Variants in MED27 observed in about 807,000 individuals in gnomAD.
MED27 encodes the protein mediator of RNA polymerase II transcription subunit 27.
A neutral mutation model predicts 38.2 loss-of-function variants in MED27; 30 were observed. That is an observed-to-expected ratio of 0.79 (90% CI 0.59 to 1.07). MED27 has a LOEUF of 1.07. MED27 is among the 50% of genes least tolerant of loss of function. The probability of loss-of-function intolerance (pLI) is 0.00; values close to 1 mark genes in which losing one functional copy is unlikely to be tolerated. For synonymous variants in MED27, 122 were observed against 153.5 expected (o/e 0.79, Z 1.52); for missense variants, 289 against 397.5 (o/e 0.73, Z 2.32).
chr9:131,963,676 A>C (rs1279413695), intron 3 of MED27, among the ~76,000 whole-genome samples: 6 of 152,330 alleles, frequency 3.9e-5, no homozygotes, highest in Middle Eastern at 3.4e-3. Context: ...AGATATACTT[A>C]CATTTATTCC....
At position 132,073,476 on chromosome 9, in the gene MED27, C is replaced by T. The variant is rs550384059; in HGVS notation, c.348+3966G>A. 96 of 1,179,104 alleles carry T rather than the reference C, an allele frequency of 8.1e-5. 1 individual carries two copies. In the South Asian group the frequency reaches 2.9e-3, roughly 36 times the overall value. The allele number at this position is 1,179,104 out of a possible 1,614,324, so 73.0% of individuals were successfully genotyped here. A position where few individuals can be genotyped will look rare whatever the true frequency, so the allele number is the denominator to read the frequency against. Reference sequence around the variant, plus strand: ...GAACAAGATGGACATGGTGCCTCTCCCCTGAGCCTTATAGTTTACCCTTAA... The same window carrying T: ...GAACAAGATGGACATGGTGCCTCTCTCCTGAGCCTTATAGTTTACCCTTAA... On this transcript the variant is annotated intron_variant, in intron 2 of 7. Coordinates refer to ENST00000292035, the MANE Select transcript of MED27 (RefSeq NM_004269.4).
At chr9:131,898,086 T>A (rs1185276817) in intron 4 of MED27, among the ~76,000 whole-genome samples, 1 of 151,870 alleles carries the variant, frequency 6.6e-6, no homozygotes, top group East Asian at 1.9e-4. Context: ...GATAATTAGA[T>A]GAGATGCAGG....
chr9:131,904,718 A>G (rs568505444), intron 4 of MED27, among the ~76,000 whole-genome samples: 34 of 152,258 alleles, frequency 2.2e-4, no homozygotes, highest in South Asian at 2.1e-4. Context: ...GTCATTTGCT[A>G]AAGAGCCATC....
intron 3 of MED27, among the ~76,000 whole-genome samples, chr9:131,988,532 C>T (rs1296306396): frequency 6.6e-6 from 1 of 152,166 alleles, no homozygotes; most frequent in African/African-American, 2.4e-5. Flanking sequence ...TTTCCACTTC[C>T]TTATGATTTT....
At chr9:131,894,074 G>A in intron 4 of MED27, 82 bp from the exon 5 acceptor site, 1 of 970,622 alleles carries the variant, frequency 1.0e-6, no homozygotes, top group Non-Finnish European at 1.6e-6. Flanking sequence ...ATGACCACCT[G>A]GCCAATCCAG....
chr9:131,928,470 G>A (rs1173642608), intron 4 of MED27, among the ~76,000 whole-genome samples: 1 of 152,222 alleles, frequency 6.6e-6, no homozygotes, highest in Non-Finnish European at 1.5e-5. Context: ...TTGAAAAGAG[G>A]AGGAAAGACA....
intron 3 of MED27, among the ~76,000 whole-genome samples, chr9:132,011,502 T>A (rs1832486803): frequency 6.6e-6 from 1 of 152,146 alleles, no homozygotes; most frequent in Non-Finnish European, 1.5e-5. Context: ...TAGTAGGTGC[T>A]CAGTGGAAGT....
chr9:131,903,740 T>C (rs755139128), intron 4 of MED27, among the ~76,000 whole-genome samples: 5 of 152,134 alleles, frequency 3.3e-5, no homozygotes, highest in Non-Finnish European at 2.9e-5. Flanking sequence ...ATTATTATTT[T>C]TTTTAGAGAC....
intron 3 of MED27, among the ~76,000 whole-genome samples, chr9:131,995,064 GACT>G (rs1333768561): frequency 6.6e-6 from 1 of 152,192 alleles, no homozygotes; most frequent in Non-Finnish European, 1.5e-5. Flanking sequence ...CTCAAGGCTA[GACT>G]ACAGGAAGAC....
chr9:131,860,777 GC>G lies in MED27; in HGVS notation c.802-106del. On this transcript the variant is annotated intron_variant, in intron 7 of 7. Transcript: ENST00000292035. The surrounding 1 kb of genome is among the most constrained non-coding windows in gnomAD (Gnocchi z 5.8). ...GCCCAGACAACTTAAGTTGGCTTTG[GC>G]CCCAGAAGATGCCCTGTGATTTCAC... 1 of 1,340,332 alleles carries G rather than the reference GC, an allele frequency of 7.5e-7. No homozygotes were observed. Among genetic ancestry groups the G allele is most frequent in the Non-Finnish European group, 1.0e-6 (1 of 974,340 alleles). 83.0% of individuals were successfully genotyped at this position (1,340,332 alleles called of 1,614,324 possible).
intron 3 of MED27, among the ~76,000 whole-genome samples, chr9:131,954,208 C>A (rs757549848): frequency 6.6e-6 from 1 of 152,150 alleles, no homozygotes; most frequent in Non-Finnish European, 1.5e-5. Flanking sequence ...GTAAGCAGCA[C>A]CACTAAGCAA....
intron 2 of MED27, among the ~76,000 whole-genome samples, chr9:132,056,458 T>C (rs968458686): frequency 6.6e-6 from 1 of 152,208 alleles, no homozygotes. Context: ...CAGGTACAAG[T>C]TGAGCATCCC....
At chr9:131,946,340 G>T (rs1830886357) in intron 3 of MED27, among the ~76,000 whole-genome samples, 1 of 152,130 alleles carries the variant, frequency 6.6e-6, no homozygotes, top group Non-Finnish European at 1.5e-5. Context: ...TTTCCATAAT[G>T]ACTGTACTAA....
chr9:132,079,764 GC>G lies in MED27; in HGVS notation c.80del (p.Ser27ThrfsTer2), dbSNP rs1191866049. 1 of 1,614,018 alleles carries G rather than the reference GC, an allele frequency of 6.2e-7. No individual in the cohort carries two copies. The highest frequency in any genetic ancestry group is 8.5e-7 in the Non-Finnish European group (1 of 1,180,018). ...TCAGGCAGTCGAACACCCTGCTCACGCTGGAGCGCAGCGCCTGGATGGCACT... is the reference window on the plus strand; with the variant it reads ...TCAGGCAGTCGAACACCCTGCTCACGTGGAGCGCAGCGCCTGGATGGCACT... ...AISAIQALRS[S>X]VSRVFDCLKD... On this transcript the variant is annotated frameshift_variant, in exon 1 of 8. Transcript: ENST00000292035. LOFTEE classifies it high-confidence loss of function.
chr9:132,021,713 T>C (rs559285885), intron 2 of MED27, among the ~76,000 whole-genome samples: 5 of 152,216 alleles, frequency 3.3e-5, no homozygotes, highest in African/African-American at 4.8e-5. Flanking sequence ...TAATTCCCAA[T>C]GTGATGGTAT....
chr9:132,074,521 G>A (rs1267976017), intron 2 of MED27, among the ~76,000 whole-genome samples: 1 of 152,138 alleles, frequency 6.6e-6, no homozygotes, highest in African/African-American at 2.4e-5. Flanking sequence ...ACCCATTAAC[G>A]CACTTACTGG....
intron 2 of MED27, among the ~76,000 whole-genome samples, chr9:132,074,718 T>C (rs930622603): frequency 6.6e-6 from 1 of 152,274 alleles, no homozygotes; most frequent in African/African-American, 2.4e-5. Context: ...AAGAAATGTA[T>C]ATAGACATCC....
intron 4 of MED27, among the ~76,000 whole-genome samples, chr9:131,908,170 G>C (rs868016277): frequency 8.5e-6 from 1 of 117,322 alleles, no homozygotes. Flanking sequence ...CGTCCAGGAG[G>C]TGAGGGGCGC....
At chr9:131,967,015 T>G (rs1467205042) in intron 3 of MED27, among the ~76,000 whole-genome samples, 3 of 152,248 alleles carry the variant, frequency 2.0e-5, no homozygotes, top group Admixed American at 6.5e-5. Context: ...ACAATACTAT[T>G]TCACTCACAG....
Sources: allele counts gnomAD v4.1 joint callset (sites outside exome capture counted in the v4.1 genomes callset), GRCh38; gene constraint gnomAD v4.1.1; non-coding constraint Gnocchi (gnomAD v3.1); transcripts MANE v1.5; gene names NCBI Gene and HGNC (gene_info 2026-07-23, HGNC 2026-07-21).